The following UBAP1 variants were observed in gnomAD, a reference collection of about 807,000 sequenced individuals.
UBAP1 encodes ubiquitin-associated protein 1.
A neutral mutation model predicts 39.0 loss-of-function variants in UBAP1; 5 were observed. The observed-to-expected ratio is 0.13, with a 90% CI of 0.07 to 0.27. UBAP1 has a LOEUF of 0.27. Ranked by LOEUF, UBAP1 falls within the 10% of genes least tolerant of loss-of-function variation. The probability of loss-of-function intolerance (pLI) is 1.00; values close to 1 mark genes in which losing one functional copy is unlikely to be tolerated. For missense variants in UBAP1, 490 were observed against 608.1 expected (o/e 0.81, Z 2.04); for synonymous variants, 211 against 225.1 (o/e 0.94, Z 0.56).
chr9:34,248,159 C>T (rs1834275295), intron 4 of UBAP1, among the ~76,000 whole-genome samples: 1 of 152,064 alleles, frequency 6.6e-6, no homozygotes, highest in Non-Finnish European at 1.5e-5. Flanking sequence ...CCTCAGCCTC[C>T]CGAGTAGCTG....
At chr9:34,226,390 C>G (rs935246619) in intron 2 of UBAP1, among the ~76,000 whole-genome samples, 5 of 152,024 alleles carry the variant, frequency 3.3e-5, no homozygotes, top group Non-Finnish European at 5.9e-5. Flanking sequence ...GTGCGCACCA[C>G]CATGCCTGGC....
rs1158582642 is a variant in UBAP1 at position 34,250,680 on chromosome 9, A to G, written c.1289A>G (p.His430Arg). The G allele has an allele frequency of 1.2e-6, 2 of 1,613,430 alleles. No homozygotes were observed. The highest frequency in any genetic ancestry group is 1.3e-5 in the African/African-American group (1 of 74,914). ...TAGATTCTCGACTATCTCTTTGCACATGGACAGCTTTGTGAGAAGGGCTTC... is the reference window on the plus strand; with the variant it reads ...TAGATTCTCGACTATCTCTTTGCACGTGGACAGCTTTGTGAGAAGGGCTTC... ...IEQILDYLFA[H>R]GQLCEKGFDP... Residue 430 changes from histidine to arginine, a missense_variant, in exon 6 of 7, where the codon CAT becomes CGT. His to Arg is a conservative substitution (Grantham distance 29). Around this residue, in one of 3 missense-constraint regions of UBAP1, gnomAD observed 339 missense variants for 390.0 expected, o/e 0.87. Transcript: ENST00000297661.
intron 2 of UBAP1, among the ~76,000 whole-genome samples, chr9:34,226,310 A>G (rs1298887193): frequency 2.2e-4 from 33 of 149,666 alleles, no homozygotes; most frequent in African/African-American, 6.2e-4. Context: ...GCTCACTGCA[A>G]CCTCTGCCTC....
intron 5 of UBAP1, 124 bp from the exon 6 acceptor site, chr9:34,250,534 C>A: frequency 1.5e-6 from 1 of 649,784 alleles, no homozygotes; most frequent in Admixed American, 2.9e-5. Context: ...AAATCAAATC[C>A]TATCCAGTAT....
intron 1 of UBAP1, among the ~76,000 whole-genome samples, chr9:34,219,663 T>C (rs993138365): frequency 2.0e-5 from 3 of 147,664 alleles, no homozygotes; most frequent in Admixed American, 2.0e-4. Flanking sequence ...GAACATTGAG[T>C]TTTGTCTTGT....
rs1475177261 is a variant in UBAP1, at chr9:34,225,603, C to T, written c.34+4655C>T. 4.0e-5 allele frequency among the ~76,000 whole-genome samples: 6 copies of T among 151,624 alleles called. No individual in the cohort carries two copies. The East Asian group carries it at 7.8e-4, about 20-fold the overall frequency. On this transcript the variant is annotated intron_variant, in intron 2 of 6. Transcript: ENST00000297661. ...CCATCCTGGCTAACATGGTGAAACC[C>T]TGTCTCTACTAAAAATACAAAAAAA...
At chr9:34,225,722 G>C (rs1419492675) in intron 2 of UBAP1, among the ~76,000 whole-genome samples, 2 of 149,784 alleles carry the variant, frequency 1.3e-5, no homozygotes, top group Admixed American at 6.7e-5. Context: ...AGAGCTTGCA[G>C]TGAGCCGAGA....
chr9:34,180,636 A>C (rs1829965059), intron 1 of UBAP1, among the ~76,000 whole-genome samples: 1 of 152,116 alleles, frequency 6.6e-6, no homozygotes, highest in Non-Finnish European at 1.5e-5. Context: ...TAGTTCTATT[A>C]ATTCATGGTG....
At chr9:34,185,493 G>A (rs560267711) in intron 1 of UBAP1, among the ~76,000 whole-genome samples, 80 of 152,244 alleles carry the variant, frequency 5.3e-4, no homozygotes, top group African/African-American at 1.8e-3. Context: ...AGGCTGCAGT[G>A]AGCTGAGATC....
chr9:34,231,915 G>A (rs111517684), intron 2 of UBAP1, among the ~76,000 whole-genome samples: 2 of 152,124 alleles, frequency 1.3e-5, no homozygotes, highest in African/African-American at 4.8e-5. Flanking sequence ...ACAGGCGTGA[G>A]CCACTGTGCC....
At chr9:34,196,397 C>T (rs1831057772) in intron 1 of UBAP1, among the ~76,000 whole-genome samples, 1 of 151,462 alleles carries the variant, frequency 6.6e-6, no homozygotes, top group South Asian at 2.1e-4. Flanking sequence ...CTCACTGCAA[C>T]CTCTGCCTCC....
At chr9:34,212,253 T>A (rs1358461196) in intron 1 of UBAP1, among the ~76,000 whole-genome samples, 1 of 152,082 alleles carries the variant, frequency 6.6e-6, no homozygotes, top group Non-Finnish European at 1.5e-5. Context: ...TAAAACATTT[T>A]AAAATTTATA....
Position 34,251,879 on chromosome 9 carries a change from TGGGGAGATGGGGC to T in UBAP1, c.*351_*363del, listed in dbSNP as rs899177749. 138 of 164,614 alleles carry T rather than the reference TGGGGAGATGGGGC, an allele frequency of 8.4e-4. No individual in the cohort carries two copies. The highest frequency in any genetic ancestry group is 3.1e-3 in the African/African-American group (128 of 41,156). The allele number at this position is 164,614 out of a possible 1,614,324, so 10.2% of individuals were successfully genotyped here. A position where few individuals can be genotyped will look rare whatever the true frequency, so the allele number is the denominator to read the frequency against. ...GCCTGGCCTAGTTGCTGAGAGGGGC[TGGGGAGATGGGGC>T]GGGAGGGCCAGACTCAGTGCTGCTG... On this transcript the variant is annotated 3_prime_UTR_variant, in exon 7 of 7. Transcript: ENST00000297661.
chr9:34,231,127 A>ATGTGTGTGTGTGTGTGTGTG (rs6150983), intron 2 of UBAP1, among the ~76,000 whole-genome samples: 5 of 137,026 alleles, frequency 3.6e-5, no homozygotes, highest in African/African-American at 8.3e-5. Context: ...TAAAAAAATT[A>ATGTGTGTGTGTGTGTGTGTG]TGTGTGTGTG....
intron 1 of UBAP1, among the ~76,000 whole-genome samples, chr9:34,185,092 G>A (rs1053319941): frequency 1.3e-5 from 2 of 151,538 alleles, no homozygotes; most frequent in African/African-American, 4.8e-5. Context: ...CTGCCACCAC[G>A]CCTGCTAATT....
intron 2 of UBAP1, among the ~76,000 whole-genome samples, chr9:34,230,930 C>A (rs555516010): frequency 2.6e-5 from 4 of 151,958 alleles, no homozygotes; most frequent in Admixed American, 2.6e-4. Context: ...GTAATCCCAG[C>A]AATTTGAGAG....
chr9:34,210,733 A>ATT (rs1563899861), intron 1 of UBAP1, among the ~76,000 whole-genome samples: 18 of 49,216 alleles, frequency 3.7e-4, no homozygotes, highest in East Asian at 2.4e-3. Context: ...AAAAAAAAAA[A>ATT]ATTTTTTTTT....
rs1464023106 is a variant in UBAP1 at position 34,241,585 on chromosome 9, CCACTGGA to C, written c.562_568del (p.Thr188ProfsTer34). The C allele has an allele frequency of 1.5e-5, 25 of 1,614,038 alleles. No homozygotes were observed. Among genetic ancestry groups the C allele is most frequent in the Non-Finnish European group, 1.7e-6 (2 of 1,180,026 alleles). On this transcript the variant is annotated frameshift_variant, in exon 4 of 7. Transcript: ENST00000297661. LOFTEE classifies it high-confidence loss of function. ...GAGCTGAGAAATATTCTGGTAGGAA[CCACTGGA>C]CCCATTATGGCTCAGTTATTGGACA...
intron 2 of UBAP1, among the ~76,000 whole-genome samples, chr9:34,223,685 G>A (rs879476496): frequency 1.1e-4 from 16 of 152,092 alleles, no homozygotes; most frequent in Non-Finnish European, 2.2e-4. Context: ...TCGATCTCCT[G>A]ACCTCGTGAT....
Sources: gnomAD v4.1 joint callset for allele counts (sites outside exome capture counted in the v4.1 genomes callset) on GRCh38, gnomAD v4.1.1 for gene constraint, gnomAD v4.1.1 regional missense constraint, MANE v1.5 for transcripts, NCBI Gene and HGNC (gene_info 2026-07-23, HGNC 2026-07-21) for gene names.